Variants in SCAMP1 observed in about 807,000 individuals in gnomAD.
The protein encoded by SCAMP1 is secretory carrier membrane protein 1.
SCAMP1 carries 15 observed loss-of-function variants against 41.8 expected under a neutral mutation model. The observed-to-expected ratio is 0.36, with a 90% CI of 0.24 to 0.55. SCAMP1 has a LOEUF of 0.55. Among genes scored for constraint, SCAMP1 ranks in the 20% least tolerant of loss-of-function variants. SCAMP1 has a pLI of 0.86. For synonymous variants in SCAMP1, 135 were observed against 136.8 expected (o/e 0.99, Z 0.09); for missense variants, 341 against 412.6 (o/e 0.83, Z 1.50).
In SCAMP1 at chr5:78,426,523, G is replaced by A. The variant is rs547326901; in HGVS notation, c.632+4563G>A. ...GTATCTCATTGTGGTTTTAATTTGC[G>A]TTTCTCTAATGACCAGTGATGATGA... is the stretch of plus-strand genomic sequence containing the variant. On this transcript the variant is annotated intron_variant, in intron 6 of 8. Transcript: ENST00000621999. 2.4e-3 allele frequency among the ~76,000 whole-genome samples: 370 copies of A among 152,156 alleles called. 2 individuals are homozygous for A. Among genetic ancestry groups the A allele is most frequent in the Middle Eastern group, 0.01 (3 of 294 alleles).
chr5:78,412,687 A>G (rs1580674624), intron 2 of SCAMP1, among the ~76,000 whole-genome samples: 1 of 151,984 alleles, frequency 6.6e-6, no homozygotes, highest in Non-Finnish European at 1.5e-5. Flanking sequence ...CTCTTTTCAC[A>G]TGTTTATTGA....
intron 1 of SCAMP1, among the ~76,000 whole-genome samples, chr5:78,372,138 G>A (rs1244316005): frequency 6.6e-6 from 1 of 152,178 alleles, no homozygotes. Context: ...ATAAGCTGTG[G>A]CTGTGTTATA....
chr5:78,378,655 G>T (rs934597060), intron 1 of SCAMP1, among the ~76,000 whole-genome samples: 2 of 152,164 alleles, frequency 1.3e-5, no homozygotes, highest in African/African-American at 4.8e-5. Context: ...AAAGTTAAGT[G>T]GCATTACTAG....
intron 1 of SCAMP1, among the ~76,000 whole-genome samples, chr5:78,383,066 C>T (rs1196244263): frequency 6.6e-6 from 1 of 152,182 alleles, no homozygotes; most frequent in Non-Finnish European, 1.5e-5. Flanking sequence ...TTTTCACCAA[C>T]AGTGTAAAAG....
intron 6 of SCAMP1, among the ~76,000 whole-genome samples, chr5:78,433,493 G>T (rs1752672207): frequency 6.6e-6 from 1 of 152,104 alleles, no homozygotes. Context: ...TGTGGTGGGG[G>T]CAGGTGTCAG....
chr5:78,391,982 C>CAGAGGGAGACCGTGGAAAGAGAGGG (rs2112092380), intron 2 of SCAMP1, among the ~76,000 whole-genome samples: 1 of 150,494 alleles, frequency 6.6e-6, no homozygotes, highest in East Asian at 2.0e-4. Flanking sequence ...GGCTTGGCAT[C>CAGAGGGAGACCGTGGAAAGAGAGGG]AGAGGGAGAC....
chr5:78,442,764 T>C (rs1179206882), intron 6 of SCAMP1, among the ~76,000 whole-genome samples: 1 of 152,252 alleles, frequency 6.6e-6, no homozygotes, highest in African/African-American at 2.4e-5. Context: ...TTTTAGTTGT[T>C]ATATTCTCCT....
Position 78,467,619 on chromosome 5 carries a change from A to G in SCAMP1, c.853-7885A>G, listed in dbSNP as rs1459942956. Among the ~76,000 whole-genome samples the G allele has an allele frequency of 2.0e-5, 3 of 152,182 alleles. No individual in the cohort carries two copies. In the South Asian group the frequency reaches 6.2e-4, roughly 32 times the overall value. ...TTTTTACCTCATAGTTAAAGAAGTT[A>G]CCAGAACTTCTGTTTATATGTGTTC... On this transcript the variant is annotated intron_variant, in intron 8 of 8. Transcript: ENST00000621999.
chr5:78,435,795 T>C (rs972174633), intron 6 of SCAMP1, among the ~76,000 whole-genome samples: 3 of 152,150 alleles, frequency 2.0e-5, no homozygotes, highest in Admixed American at 6.5e-5. Context: ...CTTGAGGAAT[T>C]GCCACACTGT....
intron 2 of SCAMP1, among the ~76,000 whole-genome samples, chr5:78,409,097 T>C (rs1348831395): frequency 2.0e-5 from 3 of 152,198 alleles, no homozygotes; most frequent in Non-Finnish European, 2.9e-5. Flanking sequence ...TGTCAATCCC[T>C]TACCATCCTT....
At chr5:78,460,797 CT>C (rs1561287138) in intron 8 of SCAMP1, among the ~76,000 whole-genome samples, 762 of 54,396 alleles carry the variant, frequency 0.014, 87 homozygotes, top group Admixed American at 0.083. Context: ...TCCTTCCTTC[CT>C]TCCTTCCTCC....
chr5:78,476,752 A>C lies in SCAMP1; in HGVS notation c.*1084A>C, dbSNP rs932530961. On this transcript the variant is annotated 3_prime_UTR_variant, in exon 9 of 9. Coordinates refer to ENST00000621999, the MANE Select transcript of SCAMP1 (RefSeq NM_004866.6). ...TTCACATACTTGAATCCCTAAATGCACCTGTCTTTCACTTTTTGAGACAGA... is the reference window on the plus strand; with the variant it reads ...TTCACATACTTGAATCCCTAAATGCCCCTGTCTTTCACTTTTTGAGACAGA... 11 of 152,558 alleles carry C rather than the reference A, an allele frequency of 7.2e-5. No homozygotes were observed. Among genetic ancestry groups the C allele is most frequent in the African/African-American group, 2.7e-4 (11 of 41,442 alleles). The allele number at this position is 152,558 out of a possible 1,614,324, so 9.5% of individuals were successfully genotyped here.
At chr5:78,418,065 T>C (rs1752252722) in intron 4 of SCAMP1, among the ~76,000 whole-genome samples, 1 of 152,172 alleles carries the variant, frequency 6.6e-6, no homozygotes, top group African/African-American at 2.4e-5. Flanking sequence ...AGTCTTATTT[T>C]TAATCTGGTT....
chr5:78,443,106 G>A (rs796785539), intron 6 of SCAMP1, among the ~76,000 whole-genome samples: 10 of 151,176 alleles, frequency 6.6e-5, no homozygotes, highest in East Asian at 3.9e-4. Context: ...CCAGCTATGC[G>A]TGAGGCTGAG....
intron 6 of SCAMP1, among the ~76,000 whole-genome samples, chr5:78,447,984 G>A (rs1400329279): frequency 2.0e-4 from 3 of 15,090 alleles, no homozygotes; most frequent in Non-Finnish European, 1.2e-4. Context: ...CTCCTCCCCC[G>A]TCCTCTCCTC....
At chr5:78,419,266 T>A (rs1443669265) in intron 5 of SCAMP1, among the ~76,000 whole-genome samples, 1 of 152,222 alleles carries the variant, frequency 6.6e-6, no homozygotes, top group Non-Finnish European at 1.5e-5. Flanking sequence ...AGGAAGGCCA[T>A]TTAAAAGAAT....
At chr5:78,433,702 GCA>G (rs1752677134) in intron 6 of SCAMP1, among the ~76,000 whole-genome samples, 1 of 151,818 alleles carries the variant, frequency 6.6e-6, no homozygotes, top group Non-Finnish European at 1.5e-5. Context: ...GCTTCTCTTC[GCA>G]CACTCTTCCC....
At chr5:78,364,257 T>C (rs1750738932) in intron 1 of SCAMP1, among the ~76,000 whole-genome samples, 1 of 152,178 alleles carries the variant, frequency 6.6e-6, no homozygotes, top group Non-Finnish European at 1.5e-5. Context: ...AGTGTATGGT[T>C]AAGTGCCGGA....
rs1243289444 is a variant in SCAMP1, at chr5:78,374,005, T to C, written c.57+13277T>C. Among the ~76,000 whole-genome samples the C allele has an allele frequency of 5.3e-5, 8 of 152,110 alleles. 1 individual carries two copies. The highest frequency in any genetic ancestry group is 5.2e-4 in the Admixed American group (8 of 15,270). ...GATTAAAGTGGACCAAACTCAATTGTCTCCAAGAGATTATCATCATTGAAG... is the reference window on the plus strand; with the variant it reads ...GATTAAAGTGGACCAAACTCAATTGCCTCCAAGAGATTATCATCATTGAAG... On this transcript the variant is annotated intron_variant, in intron 1 of 8. Transcript: ENST00000621999.
Sources: gnomAD v4.1 joint callset for allele counts (sites outside exome capture counted in the v4.1 genomes callset) on GRCh38, gnomAD v4.1.1 for gene constraint, MANE v1.5 for transcripts, NCBI Gene and HGNC (gene_info 2026-07-23, HGNC 2026-07-21) for gene names.